The following DTNB variants were observed in gnomAD, a reference collection of about 807,000 sequenced individuals.
DTNB encodes DTN-B.
In DTNB, 63 loss-of-function variants were observed where a neutral mutation model predicts 90.7. The ratio of observed to expected loss-of-function variants is 0.69; its 90% confidence interval spans 0.57 to 0.86. DTNB has a LOEUF of 0.86. DTNB is among the 40% of genes least tolerant of loss of function. DTNB has a pLI of 0.00. For missense variants in DTNB, 744 were observed against 807.1 expected (o/e 0.92, Z 0.95); for synonymous variants, 277 against 286.7 (o/e 0.97, Z 0.34).
chr2:25,456,005 T>C (rs1328809730), intron 10 of DTNB, among the ~76,000 whole-genome samples: 1 of 152,278 alleles, frequency 6.6e-6, no homozygotes, highest in African/African-American at 2.4e-5. Flanking sequence ...ATCAGTCTAT[T>C]TCTCCCATAA....
intron 2 of DTNB, among the ~76,000 whole-genome samples, chr2:25,652,256 T>C (rs1342674605): frequency 1.3e-5 from 2 of 152,244 alleles, no homozygotes; most frequent in Non-Finnish European, 2.9e-5. Context: ...GTAATTTATA[T>C]AATGTATTAA....
chr2:25,401,405 C>T (rs1442087556), intron 16 of DTNB, among the ~76,000 whole-genome samples: 2 of 152,218 alleles, frequency 1.3e-5, no homozygotes, highest in Non-Finnish European at 2.9e-5. Context: ...CCTGAGGACA[C>T]GGGGATCCTT....
chr2:25,580,870 A>C (rs1439285432), intron 6 of DTNB, 44 bp from the exon 7 acceptor site: 2 of 1,529,372 alleles, frequency 1.3e-6, no homozygotes, highest in African/African-American at 2.8e-5. Flanking sequence ...TTTTTTAGGA[A>C]TCTCCAAACT....
chr2:25,473,245 T>C (rs2063144652), intron 10 of DTNB, among the ~76,000 whole-genome samples: 1 of 152,170 alleles, frequency 6.6e-6, no homozygotes, highest in Admixed American at 6.5e-5. Flanking sequence ...TTTTACTAGT[T>C]TGGTATTAAG....
chr2:25,430,568 A>G (rs751907765), intron 14 of DTNB, among the ~76,000 whole-genome samples: 14 of 152,206 alleles, frequency 9.2e-5, no homozygotes, highest in Non-Finnish European at 1.5e-4. Flanking sequence ...TATCCCCACC[A>G]TATTAGTATA....
intron 9 of DTNB, 84 bp downstream of exon 9, chr2:25,531,389 A>G: frequency 3.2e-6 from 5 of 1,538,950 alleles, no homozygotes; most frequent in Non-Finnish European, 4.4e-6. Context: ...GGTCATGTTA[A>G]GTGATCCCTG....
chr2:25,652,865 T>G (rs1422198214), intron 1 of DTNB: 5 of 493,052 alleles, frequency 1.0e-5, no homozygotes, highest in African/African-American at 9.9e-5. Context: ...TATTAGTAAA[T>G]CAATACTTGT....
chr2:25,631,300 T>C (rs1049181286), intron 3 of DTNB, among the ~76,000 whole-genome samples: 3 of 152,158 alleles, frequency 2.0e-5, no homozygotes, highest in Non-Finnish European at 4.4e-5. Flanking sequence ...ATAAGAAAGA[T>C]ATCAGAGGCT....
intron 12 of DTNB, among the ~76,000 whole-genome samples, chr2:25,449,897 G>C (rs2059017332): frequency 6.6e-6 from 1 of 151,738 alleles, no homozygotes; most frequent in African/African-American, 2.4e-5. Flanking sequence ...CAAGTAGCTG[G>C]GACTACAGGC....
intron 5 of DTNB, among the ~76,000 whole-genome samples, chr2:25,597,851 C>T (rs898904772): frequency 1.3e-5 from 2 of 152,046 alleles, no homozygotes; most frequent in Non-Finnish European, 2.9e-5. Context: ...TTCAATGTAG[C>T]TGGAAAAATA....
At chr2:25,533,801 A>T (rs141764756) in intron 8 of DTNB, among the ~76,000 whole-genome samples, 139 of 152,282 alleles carry the variant, frequency 9.1e-4, no homozygotes, top group African/African-American at 3.2e-3. Context: ...GCTGGTCAGC[A>T]TCCTTTCCTC....
At position 25,535,785 on chromosome 2, in the gene DTNB, C is replaced by T. The variant is rs369909335; in HGVS notation, c.877-4188G>A. 2.3e-4 allele frequency among the ~76,000 whole-genome samples: 34 copies of T among 146,892 alleles called. No individual in the cohort carries two copies. In the East Asian group the frequency reaches 4.2e-3, roughly 18 times the overall value. Reference sequence around the variant, plus strand: ...ACGGGGGTGGCCAGGCAGAGGCACTCCTCACTTCCCATTCAGGGCAGCCGG... The same window carrying T: ...ACGGGGGTGGCCAGGCAGAGGCACTTCTCACTTCCCATTCAGGGCAGCCGG... On this transcript the variant is annotated intron_variant, in intron 8 of 20. Coordinates refer to ENST00000406818, the MANE Select transcript of DTNB (RefSeq NM_021907.5).
At chr2:25,642,631 T>TG (rs1308712374) in intron 2 of DTNB, among the ~76,000 whole-genome samples, 2 of 151,908 alleles carry the variant, frequency 1.3e-5, no homozygotes, top group Non-Finnish European at 2.9e-5. Flanking sequence ...AGGCTGGTCT[T>TG]GAACTCCCGA....
At chr2:25,502,278 G>T (rs1324493755) in intron 9 of DTNB, among the ~76,000 whole-genome samples, 1 of 152,120 alleles carries the variant, frequency 6.6e-6, no homozygotes, top group Non-Finnish European at 1.5e-5. Flanking sequence ...AAAAAGGAAG[G>T]AGAATCAGAT....
chr2:25,519,266 A>G (rs2075707951), intron 9 of DTNB, among the ~76,000 whole-genome samples: 1 of 151,852 alleles, frequency 6.6e-6, no homozygotes, highest in Non-Finnish European at 1.5e-5. Context: ...TGGGAGGCTG[A>G]GACAGGAGGA....
intron 10 of DTNB, among the ~76,000 whole-genome samples, chr2:25,460,144 A>C (rs2060707103): frequency 6.6e-6 from 1 of 152,124 alleles, no homozygotes; most frequent in Non-Finnish European, 1.5e-5. Flanking sequence ...TTGATCTCAT[A>C]GTCAGGAAGT....
intron 2 of DTNB, among the ~76,000 whole-genome samples, chr2:25,645,486 T>C (rs965461594): frequency 5.3e-5 from 8 of 152,112 alleles, no homozygotes; most frequent in African/African-American, 1.4e-4. Context: ...CACCCAGGCA[T>C]TGAAGTGCAG....
At chr2:25,463,452 C>A (rs1458452135) in intron 10 of DTNB, among the ~76,000 whole-genome samples, 2 of 152,220 alleles carry the variant, frequency 1.3e-5, no homozygotes, top group Non-Finnish European at 2.9e-5. Flanking sequence ...ATACACTCTA[C>A]AGTTGATTCT....
intron 9 of DTNB, among the ~76,000 whole-genome samples, chr2:25,507,277 A>C (rs1394545691): frequency 6.6e-6 from 1 of 152,168 alleles, no homozygotes; most frequent in Non-Finnish European, 1.5e-5. Context: ...AACTTTCTCC[A>C]GTATACCCAC....
Sources: allele counts gnomAD v4.1 joint callset (sites outside exome capture counted in the v4.1 genomes callset), GRCh38; gene constraint gnomAD v4.1.1; transcripts MANE v1.5; gene names NCBI Gene and HGNC (gene_info 2026-07-23, HGNC 2026-07-21).